Variants in BAIAP2 observed in about 807,000 individuals in gnomAD.
BAIAP2 encodes the protein BAR/IMD domain containing adaptor protein 2.
In BAIAP2, 18 loss-of-function variants were observed where a neutral mutation model predicts 63.0. The observed-to-expected ratio is 0.29, with a 90% CI of 0.20 to 0.42. The LOEUF is 0.42. Ranked by LOEUF, BAIAP2 falls within the 10% of genes least tolerant of loss-of-function variation. BAIAP2 has a pLI of 1.00. For synonymous variants in BAIAP2, 386 were observed against 307.6 expected, an observed-to-expected ratio of 1.25 and a Z score of -2.67; for missense variants, 610 against 734.3, an observed-to-expected ratio of 0.83 and a Z score of 1.96.
At chr17:81,108,741 A>G (rs2059492049) in intron 13 of BAIAP2, 1 of 876,592 alleles carries the variant, frequency 1.1e-6, no homozygotes, top group Admixed American at 2.9e-5. Context: ...GGCCCCATCC[A>G]TCCCTGTCAG....
chr17:81,074,507 T>C (rs1256636548), intron 3 of BAIAP2, among the ~76,000 whole-genome samples: 2 of 147,684 alleles, frequency 1.4e-5, no homozygotes, highest in African/African-American at 2.5e-5. Context: ...TGTGCGTGCA[T>C]GGATGCGTAC....
chr17:81,053,802 G>C, intron 2 of BAIAP2, 59 bp downstream of exon 2: 1 of 1,592,942 alleles, frequency 6.3e-7, no homozygotes, highest in Middle Eastern at 1.8e-4. Flanking sequence ...GTAGAACTGC[G>C]CCCGGGCCCC....
chr17:81,058,245 TGGGG>T (rs1568090610), intron 3 of BAIAP2, among the ~76,000 whole-genome samples: 1 of 152,024 alleles, frequency 6.6e-6, no homozygotes, highest in Admixed American at 6.6e-5. Flanking sequence ...GCGGCTGACA[TGGGG>T]GTCTGTGTGC....
At chr17:81,114,135 A>G (rs1299039410) in intron 13 of BAIAP2, among the ~76,000 whole-genome samples, 3 of 131,744 alleles carry the variant, frequency 2.3e-5, no homozygotes, top group East Asian at 2.1e-4. Context: ...GCACCTGCCT[A>G]ATTTTTTTTT....
chr17:81,098,254 A>T (rs1314959939), intron 6 of BAIAP2: 3 of 1,236,004 alleles, frequency 2.4e-6, no homozygotes, highest in Non-Finnish European at 3.1e-6. Context: ...TCTGCCCAGG[A>T]TGGGAGCACA....
intron 4 of BAIAP2, chr17:81,085,404 T>G (rs2055405903): frequency 5.1e-5 from 33 of 641,770 alleles, no homozygotes; most frequent in East Asian, 5.7e-5. Context: ...GGATGGCCGT[T>G]TGTTTCCCTT....
chr17:81,075,346 C>G (rs1433063171), intron 3 of BAIAP2, among the ~76,000 whole-genome samples: 1 of 152,246 alleles, frequency 6.6e-6, no homozygotes, highest in Non-Finnish European at 1.5e-5. Context: ...CCCTCCCAGT[C>G]TCCTGGGCTC....
At chr17:81,059,619 T>C (rs7502768) in intron 3 of BAIAP2, among the ~76,000 whole-genome samples, 14,312 of 152,000 alleles carry the variant, frequency 0.094, 771 homozygotes, top group Non-Finnish European at 0.11. Context: ...TGATTTTTTA[T>C]TTTTAATTTT....
chr17:81,059,217 C>T (rs1267939432), intron 3 of BAIAP2, among the ~76,000 whole-genome samples: 2 of 152,192 alleles, frequency 1.3e-5, no homozygotes, highest in East Asian at 1.9e-4. Flanking sequence ...TGGAGTTTCT[C>T]GAGGCACCGC....
chr17:81,048,855 G>A (rs1484563885), intron 1 of BAIAP2, among the ~76,000 whole-genome samples: 5 of 152,296 alleles, frequency 3.3e-5, no homozygotes, highest in East Asian at 1.9e-4. Context: ...GCAGCCAAGC[G>A]TGCGGGCATC....
At chr17:81,083,115 GC>G (rs1405532808) in intron 3 of BAIAP2, 1 of 152,306 alleles carries the variant, frequency 6.6e-6, no homozygotes, top group East Asian at 1.9e-4. Flanking sequence ...CCCAAGGCCA[GC>G]CCAGCCGTGG....
In BAIAP2 at chr17:81,035,192, C is replaced by T. The variant is rs2046035282; in HGVS notation, c.-63C>T. On this transcript the variant is annotated 5_prime_UTR_variant, in exon 1 of 14. Coordinates refer to ENST00000428708, the MANE Select transcript of BAIAP2 (RefSeq NM_001144888.2). ...TTCGTCTCCGTCCTGCTGCCGTTAC[C>T]GCCGCTGCTGCCGCCGCTTGCGTCC... 7.3e-6 allele frequency: 10 copies of T among 1,369,836 alleles called. No individual in the cohort carries two copies. Among genetic ancestry groups the T allele is most frequent in the East Asian group, 3.2e-5 (1 of 31,400 alleles). The allele number at this position is 1,369,836 out of a possible 1,614,324, so 84.9% of individuals were successfully genotyped here.
At chr17:81,105,733 C>A (rs769127091) in intron 10 of BAIAP2, 6 of 246,428 alleles carry the variant, frequency 2.4e-5, no homozygotes, top group Non-Finnish European at 4.0e-5. Context: ...CATCTTTCTT[C>A]CAGTGGCCAC....
chr17:81,078,432 C>T (rs898587228), intron 3 of BAIAP2, among the ~76,000 whole-genome samples: 1 of 134,642 alleles, frequency 7.4e-6, no homozygotes, highest in Admixed American at 7.4e-5. Context: ...GGTGCCATCT[C>T]GGAGCTGGGT....
intron 7 of BAIAP2, among the ~76,000 whole-genome samples, chr17:81,101,635 G>GCA (rs57194901): frequency 4.9e-4 from 74 of 151,610 alleles, no homozygotes; most frequent in South Asian, 4.6e-3. Context: ...GCGCGTGCGT[G>GCA]CACACACACA....
At chr17:81,059,447 G>A (rs2144385762) in intron 3 of BAIAP2, among the ~76,000 whole-genome samples, 1 of 152,218 alleles carries the variant, frequency 6.6e-6, no homozygotes, top group South Asian at 2.1e-4. Context: ...CTGTGAAAGG[G>A]GCATTTTCTT....
At chr17:81,056,277 C>T (rs1339445147) in intron 2 of BAIAP2, 1 of 152,246 alleles carries the variant, frequency 6.6e-6, no homozygotes, top group Non-Finnish European at 1.5e-5. Context: ...ACCAGTTGTT[C>T]ATCTCTTCCT....
chr17:81,104,867 G>A, intron 10 of BAIAP2, 152 bp downstream of exon 10: 7 of 821,130 alleles, frequency 8.5e-6, no homozygotes, highest in South Asian at 3.5e-5. Context: ...GAGAGCAAGC[G>A]TGACCTGGGG....
At chr17:81,084,147 T>G (rs1418443982) in intron 3 of BAIAP2, among the ~76,000 whole-genome samples, 1 of 152,198 alleles carries the variant, frequency 6.6e-6, no homozygotes, top group Non-Finnish European at 1.5e-5. Flanking sequence ...CCCCAAGCGC[T>G]GCCCGTGTGT....
Sources: allele counts gnomAD v4.1 joint callset (sites outside exome capture counted in the v4.1 genomes callset), GRCh38; gene constraint gnomAD v4.1.1; transcripts MANE v1.5; gene names NCBI Gene and HGNC (gene_info 2026-07-23, HGNC 2026-07-21).